SLC37A1: variants seen among roughly 807,000 people sequenced by gnomAD.
The protein encoded by SLC37A1 is solute carrier family 37 member 1.
A neutral mutation model predicts 75.3 loss-of-function variants in SLC37A1; 49 were observed. The ratio of observed to expected loss-of-function variants is 0.65; its 90% CI spans 0.52 to 0.83. The LOEUF is 0.83. SLC37A1 is among the 40% of genes least tolerant of loss of function. The pLI is 0.00. For synonymous variants in SLC37A1, 268 were observed against 292.1 expected, an observed-to-expected ratio of 0.92 and a Z score of 0.84; for missense variants, 566 against 695.0, an observed-to-expected ratio of 0.81 and a Z score of 2.09.
rs772960709 is a variant in SLC37A1 at position 42,539,469 on chromosome 21, C to T, written c.351-43C>T. On this transcript the variant is annotated intron_variant, in intron 5 of 19. Coordinates refer to ENST00000352133, the MANE Select transcript of SLC37A1 (RefSeq NM_001320537.2). Reference sequence around the variant, plus strand: ...AGCCACGAGGTTGCTAACATTCGGGCGTGTTTGTTATTCCTATTTGTCTTT... The same window carrying T: ...AGCCACGAGGTTGCTAACATTCGGGTGTGTTTGTTATTCCTATTTGTCTTT... 7.6e-6 allele frequency: 12 copies of T among 1,575,736 alleles called. 1 individual carries two copies. The highest frequency in any genetic ancestry group is 4.1e-5 in the African/African-American group (3 of 73,534).
intron 7 of SLC37A1, among the ~76,000 whole-genome samples, chr21:42,543,131 G>A (rs1226439309): frequency 6.6e-6 from 1 of 152,234 alleles, no homozygotes; most frequent in Non-Finnish European, 1.5e-5. Context: ...TTAATTGATT[G>A]TAGAGGCACA....
chr21:42,517,337 C>T lies in SLC37A1; in HGVS notation c.-178-940C>T, dbSNP rs371736097. ...GAGGAGGTATTGGAGTGGGGTGAAT[C>T]CCACCTATTCAGGCCCTGTAGGACC... On this transcript the variant is annotated intron_variant, in intron 1 of 19. Transcript: ENST00000352133. Among the ~76,000 whole-genome samples, 15 of 152,282 alleles carry T rather than the reference C, an allele frequency of 9.9e-5. 4 individuals are homozygous for T. The highest frequency in any genetic ancestry group is 1.9e-4 in the East Asian group (1 of 5,192).
chr21:42,522,482 G>A (rs996864029), intron 2 of SLC37A1, among the ~76,000 whole-genome samples: 1 of 152,164 alleles, frequency 6.6e-6, no homozygotes, highest in Non-Finnish European at 1.5e-5. Flanking sequence ...GAGTGTGGCT[G>A]CCGCGGTTTA....
At position 42,534,030 on chromosome 21, in the gene SLC37A1, A is replaced by G. The variant is rs1002027896; in HGVS notation, c.139-668A>G. On this transcript the variant is annotated intron_variant, in intron 3 of 19. Coordinates refer to ENST00000352133, the MANE Select transcript of SLC37A1 (RefSeq NM_001320537.2). ...AGTGTACAGTTTGGCAGATCTGTAC[A>G]TGCCCATAGGGGTAGTCATCCTCTA... Among the ~76,000 whole-genome samples, 66 of 152,218 alleles carry G rather than the reference A, an allele frequency of 4.3e-4. 1 individual carries two copies. The highest frequency in any genetic ancestry group is 3.7e-3 in the Admixed American group (57 of 15,284).
At chr21:42,551,892 A>ATT (rs149585346) in intron 9 of SLC37A1, among the ~76,000 whole-genome samples, 1 of 151,618 alleles carries the variant, frequency 6.6e-6, no homozygotes, top group African/African-American at 2.4e-5. Flanking sequence ...AAAAATGGTC[A>ATT]TTTTTTCTAC....
At chr21:42,571,206 C>T (rs1352753523) in intron 17 of SLC37A1, among the ~76,000 whole-genome samples, 10 of 152,272 alleles carry the variant, frequency 6.6e-5, no homozygotes, top group Middle Eastern at 3.4e-3. Flanking sequence ...AGTCCCTTCC[C>T]GAAGGAGGTG....
intron 3 of SLC37A1, among the ~76,000 whole-genome samples, chr21:42,526,660 A>T (rs868131160): frequency 6.6e-6 from 1 of 152,192 alleles, no homozygotes; most frequent in African/African-American, 2.4e-5. Context: ...GGCAATGCAG[A>T]GGCTGGCTGT....
rs3788024 is a variant in SLC37A1, at chr21:42,546,230, G to A, written c.731-873G>A. ...GCCTGGGGTCTGACTCTGGGTTCCC[G>A]CATTGCTCGGGGCAGGTTGCTGGTG... On this transcript the variant is annotated intron_variant, in intron 8 of 19. Coordinates refer to ENST00000352133, the MANE Select transcript of SLC37A1 (RefSeq NM_001320537.2). 7.1e-4 allele frequency among the ~76,000 whole-genome samples: 108 copies of A among 152,362 alleles called. No homozygotes were observed. The East Asian group carries it at 0.02, about 29-fold the overall frequency.
intron 2 of SLC37A1, among the ~76,000 whole-genome samples, chr21:42,523,216 G>T (rs1306838565): frequency 5.9e-5 from 9 of 152,370 alleles, no homozygotes; most frequent in African/African-American, 2.2e-4. Context: ...GATGGTCCAT[G>T]GACTTGTCTG....
intron 5 of SLC37A1, among the ~76,000 whole-genome samples, chr21:42,538,815 C>T (rs1190526416): frequency 6.6e-6 from 1 of 152,184 alleles, no homozygotes; most frequent in Non-Finnish European, 1.5e-5. Flanking sequence ...GCTAAGCATC[C>T]CTTATGCCAC....
chr21:42,563,696 G>C lies in SLC37A1; in HGVS notation c.1073-119G>C, dbSNP rs527386830. The C allele has an allele frequency of 8.6e-6, 7 of 812,658 alleles. No individual in the cohort carries two copies. In the South Asian group the frequency reaches 9.1e-5, roughly 11 times the overall value. 50.3% of individuals were successfully genotyped at this position (812,658 alleles called of 1,614,324 possible). A position where few individuals can be genotyped will look rare whatever the true frequency, so the allele number is the denominator to read the frequency against. On this transcript the variant is annotated intron_variant, in intron 12 of 19. Transcript: ENST00000352133. ...CTGAGTTAACTACTAATTGCTCCTC[G>C]GTATAAATCAAGCTTATGAAGCCAG...
intron 9 of SLC37A1, 71 bp from the exon 10 acceptor site, chr21:42,553,991 T>G (rs2055619668): frequency 7.6e-7 from 1 of 1,307,638 alleles, no homozygotes; most frequent in Non-Finnish European, 1.1e-6. Flanking sequence ...GTATCCTTGC[T>G]ACAGTAAAGC....
At chr21:42,526,448 G>A (rs1379656869) in intron 3 of SLC37A1, among the ~76,000 whole-genome samples, 4 of 152,228 alleles carry the variant, frequency 2.6e-5, no homozygotes, top group African/African-American at 9.6e-5. Flanking sequence ...AGGCATTAGA[G>A]TCTCTATCGT....
rs1381423713 is a variant in SLC37A1 at position 42,525,762 on chromosome 21, G to C, written c.57-14G>C. The stretch of plus-strand genomic sequence containing the variant: ...TTATTTCATATCATCCTCTCCCACT[G>C]TTTTGTGTTTCAGGTACAGAGCCTT... On this transcript the variant is annotated splice_polypyrimidine_tract_variant and intron_variant, in intron 2 of 19. Coordinates refer to ENST00000352133, the MANE Select transcript of SLC37A1 (RefSeq NM_001320537.2). 1 of 1,599,888 alleles carries C rather than the reference G, an allele frequency of 6.3e-7. No homozygotes were observed. The highest frequency in any genetic ancestry group is 1.3e-5 in the African/African-American group (1 of 74,546).
intron 3 of SLC37A1, among the ~76,000 whole-genome samples, chr21:42,526,649 A>G (rs1038980946): frequency 6.6e-6 from 1 of 152,152 alleles, no homozygotes; most frequent in Middle Eastern, 3.2e-3. Context: ...TGGTCGGCAG[A>G]GGCAATGCAG....
intron 12 of SLC37A1, among the ~76,000 whole-genome samples, chr21:42,562,510 C>T (rs1353467646): frequency 6.6e-6 from 1 of 152,124 alleles, no homozygotes; most frequent in Admixed American, 6.5e-5. Flanking sequence ...GAAGCAGAGC[C>T]TTTGGGGACC....
At position 42,534,694 on chromosome 21, in the gene SLC37A1, C is replaced by CA. The variant is rs1435109258; in HGVS notation, c.139-4_139-3insA. ...CCTGCTTCTGCCCTCCCATCACGTCCCAGGGTGAGCTCCACAAGTACTGCA... is the reference window on the plus strand; with the variant it reads ...CCTGCTTCTGCCCTCCCATCACGTCCACAGGGTGAGCTCCACAAGTACTGCA... On this transcript the variant is annotated splice_polypyrimidine_tract_variant and splice_region_variant and intron_variant, in intron 3 of 19. Coordinates refer to ENST00000352133, the MANE Select transcript of SLC37A1 (RefSeq NM_001320537.2). The CA allele has an allele frequency of 1.2e-6, 2 of 1,609,282 alleles. No homozygotes were observed. Among genetic ancestry groups the CA allele is most frequent in the Admixed American group, 3.3e-5 (2 of 59,758 alleles).
intron 5 of SLC37A1, among the ~76,000 whole-genome samples, chr21:42,536,940 C>T (rs2055155093): frequency 2.6e-5 from 4 of 152,204 alleles, no homozygotes; most frequent in African/African-American, 9.7e-5. Context: ...ATAGTCACAC[C>T]ACAGCCAGAG....
At chr21:42,523,059 C>T (rs930956004) in intron 2 of SLC37A1, among the ~76,000 whole-genome samples, 5 of 152,254 alleles carry the variant, frequency 3.3e-5, no homozygotes, top group Non-Finnish European at 7.3e-5. Flanking sequence ...AGACAGCCTT[C>T]CTTCTGGGCT....
Sources: allele counts gnomAD v4.1 joint callset (sites outside exome capture counted in the v4.1 genomes callset), GRCh38; gene constraint gnomAD v4.1.1; transcripts MANE v1.5; gene names NCBI Gene and HGNC (gene_info 2026-07-23, HGNC 2026-07-21).